The following HMBOX1 variants were observed in gnomAD, a reference collection of about 807,000 sequenced individuals.
HMBOX1 encodes homeobox containing 1.
A neutral mutation model predicts 54.5 loss-of-function variants in HMBOX1; 14 were observed. That is an observed-to-expected ratio of 0.26 (90% CI 0.17 to 0.40). The LOEUF (loss-of-function observed/expected upper bound fraction) is 0.40. Among genes scored for constraint, HMBOX1 ranks in the 10% least tolerant of loss-of-function variants. The pLI, the probability that HMBOX1 is intolerant of heterozygous loss-of-function variation, is 1.00. For missense variants in HMBOX1, 332 were observed against 514.4 expected (o/e 0.65, Z 3.43); for synonymous variants, 160 against 181.0 (o/e 0.88, Z 0.93).
chr8:28,927,569 G>C (rs1335153642), intron 1 of HMBOX1, among the ~76,000 whole-genome samples: 2 of 151,988 alleles, frequency 1.3e-5, no homozygotes, highest in Non-Finnish European at 2.9e-5. Flanking sequence ...GGTGCTGAGT[G>C]AGAACTCACT....
At position 29,048,958 on chromosome 8, in the gene HMBOX1, A is replaced by G; in HGVS notation, c.1035A>G (p.Ala345=). Residue 345 remains alanine (A), a synonymous_variant, in exon 9 of 10, where the codon GCA becomes GCG. Transcript: ENST00000287701. Reference sequence around the variant, plus strand: ...ATCTATTTGCTTTTTTCGAAGAAGCAGCAATCCTGGAGAGTCATGGGATAG... The same window carrying G: ...ATCTATTTGCTTTTTTCGAAGAAGCGGCAATCCTGGAGAGTCATGGGATAG... ...KEIKRRANIE[A]AILESHGIDV... 1 of 1,599,580 alleles carries G rather than the reference A, an allele frequency of 6.3e-7. No homozygotes were observed. Among genetic ancestry groups the G allele is most frequent in the South Asian group, 1.1e-5 (1 of 90,158 alleles).
At chr8:28,917,671 TA>T (rs1378439929) in intron 1 of HMBOX1, among the ~76,000 whole-genome samples, 1 of 152,170 alleles carries the variant, frequency 6.6e-6, no homozygotes, top group Non-Finnish European at 1.5e-5. Flanking sequence ...AAATATGATA[TA>T]TTTAGGGTTT....
intron 3 of HMBOX1, among the ~76,000 whole-genome samples, chr8:28,972,997 G>C (rs1303962602): frequency 6.6e-6 from 1 of 151,946 alleles, no homozygotes; most frequent in African/African-American, 2.4e-5. Context: ...TTCTTTATTA[G>C]AACTGCTCCT....
intron 1 of HMBOX1, among the ~76,000 whole-genome samples, chr8:28,896,254 G>A (rs574362225): frequency 3.3e-5 from 5 of 152,338 alleles, no homozygotes; most frequent in African/African-American, 1.2e-4. Flanking sequence ...CAAAAATAGA[G>A]AGGGCACTGT....
intron 4 of HMBOX1, among the ~76,000 whole-genome samples, chr8:29,003,734 A>G (rs367877775): frequency 4.0e-5 from 6 of 151,588 alleles, no homozygotes; most frequent in East Asian, 1.9e-4. Context: ...TTTGTAGACA[A>G]TGCATATATG....
In HMBOX1 at chr8:29,009,260, AACT is replaced by A; in HGVS notation, c.697+79_697+81del. The stretch of plus-strand genomic sequence containing the variant: ...AATTACTTTAATGACTCCATGTGCT[AACT>A]TGTTCAGTAAGATGGTTTCATACTT... On this transcript the variant is annotated intron_variant, in intron 5 of 9. Transcript: ENST00000287701. 7 of 1,243,560 alleles carry A rather than the reference AACT, an allele frequency of 5.6e-6. No individual in the cohort carries two copies. The South Asian group carries it at 8.9e-5, about 16-fold the overall frequency. The allele number at this position is 1,243,560 out of a possible 1,614,324, so 77.0% of individuals were successfully genotyped here.
chr8:28,905,328 C>T (rs770506142), intron 1 of HMBOX1, among the ~76,000 whole-genome samples: 1 of 152,108 alleles, frequency 6.6e-6, no homozygotes, highest in East Asian at 1.9e-4. Flanking sequence ...AAAAACCAGG[C>T]GCGCGTGCAT....
intron 4 of HMBOX1, among the ~76,000 whole-genome samples, chr8:28,997,389 C>T (rs749605165): frequency 6.6e-6 from 1 of 152,138 alleles, no homozygotes; most frequent in Non-Finnish European, 1.5e-5. Flanking sequence ...ATTGATGTGA[C>T]TGTATTACAT....
At chr8:29,022,352 A>G (rs1008756076) in intron 6 of HMBOX1, among the ~76,000 whole-genome samples, 1 of 152,166 alleles carries the variant, frequency 6.6e-6, no homozygotes. Flanking sequence ...CAGGAGTTTG[A>G]AGCTGCAGTG....
chr8:28,970,077 C>T lies in HMBOX1; in HGVS notation c.58C>T (p.Pro20Ser), dbSNP rs938060933. Residue 20 changes from proline (P) to serine (S), a missense_variant, in exon 3 of 10, where the codon CCC (proline) becomes TCC (serine). Pro to Ser is a moderately conservative substitution (Grantham distance 74). Transcript: ENST00000287701. The surrounding 1 kb of genome is among the most constrained non-coding windows in gnomAD (Gnocchi z 4.3). ...AACCATGTCTCATTATACAGATGAA[C>T]CCAGATTTACCATAGAGCAGATAGA... is the stretch of plus-strand genomic sequence containing the variant. Reference protein sequence around the residue: ...LETMSHYTDEPRFTIEQIDLL... With the variant: ...LETMSHYTDESRFTIEQIDLL... 1 of 1,613,224 alleles carries T rather than the reference C, an allele frequency of 6.2e-7. No individual in the cohort carries two copies. The highest frequency in any genetic ancestry group is 8.5e-7 in the Non-Finnish European group (1 of 1,179,380).
At chr8:28,933,725 A>G (rs900376362) in intron 1 of HMBOX1, among the ~76,000 whole-genome samples, 4 of 152,226 alleles carry the variant, frequency 2.6e-5, no homozygotes, top group Non-Finnish European at 4.4e-5. Context: ...CTTGATGGAC[A>G]CAAATTATCA....
At chr8:28,960,753 C>CTTTTTTTTT (rs1023356056) in intron 1 of HMBOX1, among the ~76,000 whole-genome samples, 6 of 65,654 alleles carry the variant, frequency 9.1e-5, no homozygotes, top group Non-Finnish European at 1.8e-4. Context: ...TTCTCTTTTT[C>CTTTTTTTTT]TTTTTCTTTT....
chr8:28,970,031 C>CTT lies in HMBOX1; in HGVS notation c.24-4_24-3dup. On this transcript the variant is annotated splice_polypyrimidine_tract_variant and intron_variant, in intron 2 of 9. Coordinates refer to ENST00000287701, the MANE Select transcript of HMBOX1 (RefSeq NM_001135726.3). The surrounding 1 kb of genome is among the most constrained non-coding windows in gnomAD (Gnocchi z 4.3). The stretch of plus-strand genomic sequence containing the variant: ...TCAATAAAGAGACTTCTTTTTATCT[C>CTT]TTTTTTTTTAGTTTGCTGGAAACCA... 1 of 1,495,178 alleles carries CTT rather than the reference C, an allele frequency of 6.7e-7. No individual in the cohort carries two copies. Among genetic ancestry groups the CTT allele is most frequent in the Non-Finnish European group, 9.2e-7 (1 of 1,083,290 alleles). The allele number at this position is 1,495,178 out of a possible 1,614,324, so 92.6% of individuals were successfully genotyped here. A position where few individuals can be genotyped will look rare whatever the true frequency, so the allele number is the denominator to read the frequency against.
intron 6 of HMBOX1, among the ~76,000 whole-genome samples, chr8:29,044,462 A>T (rs753376531): frequency 6.6e-6 from 1 of 152,146 alleles, no homozygotes; most frequent in Non-Finnish European, 1.5e-5. Flanking sequence ...GGGTTCAGTA[A>T]ATTTATTTTT....
intron 4 of HMBOX1, among the ~76,000 whole-genome samples, chr8:29,002,671 A>C (rs1426283506): frequency 6.6e-6 from 1 of 152,200 alleles, no homozygotes; most frequent in African/African-American, 2.4e-5. Flanking sequence ...TCTCTTATGG[A>C]AACATTTACA....
chr8:28,940,676 C>T (rs1025073767), intron 1 of HMBOX1, among the ~76,000 whole-genome samples: 4 of 152,162 alleles, frequency 2.6e-5, no homozygotes, highest in Non-Finnish European at 5.9e-5. Flanking sequence ...GTTCTGGACC[C>T]TTGCATTCTG....
At chr8:28,896,170 G>T (rs1043540413) in intron 1 of HMBOX1, among the ~76,000 whole-genome samples, 1 of 152,168 alleles carries the variant, frequency 6.6e-6, no homozygotes, top group Non-Finnish European at 1.5e-5. Flanking sequence ...CTACTTCATA[G>T]GATTATTGTG....
intron 1 of HMBOX1, chr8:28,915,700 G>C (rs1402283162): frequency 6.6e-6 from 1 of 151,940 alleles, no homozygotes; most frequent in Non-Finnish European, 1.5e-5. Context: ...GGGCAACTTG[G>C]GTGGTTCCCT....
intron 6 of HMBOX1, among the ~76,000 whole-genome samples, chr8:29,043,587 A>G (rs575310813): frequency 2.0e-4 from 31 of 152,318 alleles, no homozygotes; most frequent in African/African-American, 6.3e-4. Context: ...GTTTTTGTAT[A>G]TTTTGTGTAA....
Sources: gnomAD v4.1 joint callset for allele counts (sites outside exome capture counted in the v4.1 genomes callset) on GRCh38, gnomAD v4.1.1 for gene constraint, Gnocchi (gnomAD v3.1) non-coding constraint, MANE v1.5 for transcripts, NCBI Gene and HGNC (gene_info 2026-07-23, HGNC 2026-07-21) for gene names.